The following PPP1R3A variants were observed in gnomAD, a reference collection of about 807,000 sequenced individuals.
PPP1R3A encodes RG1.
In PPP1R3A, 29 loss-of-function variants were observed where a neutral mutation model predicts 41.7. The observed-to-expected ratio is 0.70, with a 90% confidence interval of 0.52 to 0.95. PPP1R3A has a LOEUF of 0.95. Among genes scored for constraint, PPP1R3A ranks in the 40% least tolerant of loss-of-function variants. PPP1R3A has a pLI of 0.00. For synonymous variants in PPP1R3A, 485 were observed against 453.4 expected, an observed-to-expected ratio of 1.07 and a Z score of -0.89; for missense variants, 1,352 against 1,292.4, an observed-to-expected ratio of 1.05 and a Z score of -0.71.
At chr7:113,882,943 A>G (rs919482122) in intron 1 of PPP1R3A, among the ~76,000 whole-genome samples, 1 of 152,050 alleles carries the variant, frequency 6.6e-6, no homozygotes, top group African/African-American at 2.4e-5. Flanking sequence ...GGCCAATTTT[A>G]AAAGCAAGAC....
chr7:113,918,504 C>A lies in PPP1R3A; in HGVS notation c.493G>T (p.Asp165Tyr). Residue 165 changes from aspartate (D) to tyrosine (Y), a missense_variant, in exon 1 of 4, where the codon GAC becomes TAC. Asp to Tyr is a radical substitution (Grantham distance 160). Coordinates refer to ENST00000284601, the MANE Select transcript of PPP1R3A (RefSeq NM_002711.4). ...KLVYVRMSLD[D>Y]WQTHYDILAE... ...AAAATGTCATAATGTGTCTGCCAGT[C>A]ATCTAAAGACATTCTTACATATACT... The A allele has an allele frequency of 1.2e-6, 2 of 1,612,974 alleles. No homozygotes were observed. Among genetic ancestry groups the A allele is most frequent in the South Asian group, 2.2e-5 (2 of 91,040 alleles).
At chr7:113,916,577 C>T (rs923219018) in intron 1 of PPP1R3A, among the ~76,000 whole-genome samples, 1 of 151,962 alleles carries the variant, frequency 6.6e-6, no homozygotes, top group Non-Finnish European at 1.5e-5. Flanking sequence ...CAGAAAAATC[C>T]GCTGAGTTCA....
chr7:113,896,628 A>T (rs1295709609), intron 1 of PPP1R3A, among the ~76,000 whole-genome samples: 2 of 151,818 alleles, frequency 1.3e-5, no homozygotes, highest in Non-Finnish European at 2.9e-5. Flanking sequence ...AACATAGTGG[A>T]ATGGAATACC....
chr7:113,902,071 T>C (rs1797070700), intron 1 of PPP1R3A, among the ~76,000 whole-genome samples: 1 of 151,878 alleles, frequency 6.6e-6, no homozygotes, highest in Admixed American at 6.6e-5. Context: ...CCTTATCTTT[T>C]TCTTGGTCTC....
At position 113,878,771 on chromosome 7, in the gene PPP1R3A, T is replaced by C. The variant is rs1342732763; in HGVS notation, c.2321A>G (p.Asp774Gly). Residue 774 changes from aspartate (D) to glycine (G), a missense_variant, in exon 4 of 4, where the codon GAT becomes GGT. Asp to Gly is a moderately conservative substitution (Grantham distance 94). Transcript: ENST00000284601. ...RPIEVKETAF[D>G]PHEGRNDDSH... Reference sequence around the variant, plus strand: ...ATCATCATTTCTCCCTTCATGTGGATCAAACGCTGTTTCCTTTACCTCGAT... The same window carrying C: ...ATCATCATTTCTCCCTTCATGTGGACCAAACGCTGTTTCCTTTACCTCGAT... 1 of 1,613,598 alleles carries C rather than the reference T, an allele frequency of 6.2e-7. No homozygotes were observed. Among genetic ancestry groups the C allele is most frequent in the South Asian group, 1.1e-5 (1 of 91,086 alleles).
At position 113,882,047 on chromosome 7, in the gene PPP1R3A, C is replaced by T. The variant is rs762418405; in HGVS notation, c.958G>A (p.Glu320Lys). The change falls in exon 3 of 4, where the codon GAG becomes AAG. Residue 320 changes from glutamate to lysine, a missense_variant. By Grantham distance (56) the Glu-to-Lys change is moderately conservative. Coordinates refer to ENST00000284601, the MANE Select transcript of PPP1R3A (RefSeq NM_002711.4). Reference sequence around the variant, plus strand: ...GCAACCAGAACACTTACCATCAACTCTAATTCTTTTTCATTATGTTCATCA... The same window carrying T: ...GCAACCAGAACACTTACCATCAACTTTAATTCTTTTTCATTATGTTCATCA... ...EHDEHNEKEL[E>K]LMINQHLIRT... is the part of the protein sequence containing the mutation. The T allele has an allele frequency of 1.2e-6, 2 of 1,612,448 alleles. No individual in the cohort carries two copies. The highest frequency in any genetic ancestry group is 1.3e-5 in the African/African-American group (1 of 74,926).
intron 3 of PPP1R3A, 97 bp downstream of exon 3, chr7:113,881,942 T>C: frequency 6.9e-7 from 1 of 1,443,654 alleles, no homozygotes; most frequent in Non-Finnish European, 9.7e-7. Context: ...CATTTGCAAA[T>C]TATATTAGTT....
At chr7:113,900,097 TG>T (rs1367377885) in intron 1 of PPP1R3A, among the ~76,000 whole-genome samples, 2 of 151,688 alleles carry the variant, frequency 1.3e-5, no homozygotes, top group African/African-American at 2.4e-5. Flanking sequence ...GCCTAGATGT[TG>T]TTTTAGGTAG....
At chr7:113,884,943 T>C (rs1213489580) in intron 1 of PPP1R3A, among the ~76,000 whole-genome samples, 2 of 152,078 alleles carry the variant, frequency 1.3e-5, no homozygotes, top group East Asian at 1.9e-4. Flanking sequence ...TCAGCATTAT[T>C]AGAGAATAAA....
Position 113,879,295 on chromosome 7 carries a change from C to T in PPP1R3A, c.1797G>A (p.Glu599=), listed in dbSNP as rs538196346. The change falls in exon 4 of 4, where the codon GAG becomes GAA. Residue 599 remains glutamate (E), a synonymous_variant. Coordinates refer to ENST00000284601, the MANE Select transcript of PPP1R3A (RefSeq NM_002711.4). The stretch of plus-strand genomic sequence containing the variant: ...TGCCTTCACTAGTCAAATGATGATG[C>T]TCTGGGGTTAACACAGCTTCTTCCC... ...LSWEEAVLTP[E]HHHLTSEGSA... is the part of the protein sequence containing the mutation. The T allele has an allele frequency of 1.9e-6, 3 of 1,613,648 alleles. No individual in the cohort carries two copies. The highest frequency in any genetic ancestry group is 2.2e-5 in the South Asian group (2 of 91,076).
chr7:113,881,364 T>C (rs958291849), intron 3 of PPP1R3A, among the ~76,000 whole-genome samples: 1 of 151,966 alleles, frequency 6.6e-6, no homozygotes, highest in Non-Finnish European at 1.5e-5. Flanking sequence ...AAGGATAAAT[T>C]GCATTATGTG....
rs1216662506 is a variant in PPP1R3A at position 113,879,159 on chromosome 7, C to A, written c.1933G>T (p.Asp645Tyr). Residue 645 changes from aspartate to tyrosine, a missense_variant, in exon 4 of 4, where the codon GAT (aspartate) becomes TAT (tyrosine). Coordinates refer to ENST00000284601, the MANE Select transcript of PPP1R3A (RefSeq NM_002711.4). ...TTATGCTGTGGGCTATTATCCTGAT[C>A]TTCAGAATTAATCCCACCTGATTTT... ...EEKSGGINSE[D>Y]QDNSPQHKQS... The A allele has an allele frequency of 5.0e-6, 8 of 1,613,558 alleles. No homozygotes were observed. The highest frequency in any genetic ancestry group is 1.3e-5 in the African/African-American group (1 of 74,892).
chr7:113,898,496 A>G (rs1797011804), intron 1 of PPP1R3A, among the ~76,000 whole-genome samples: 2 of 151,742 alleles, frequency 1.3e-5, no homozygotes, highest in South Asian at 4.1e-4. Flanking sequence ...CAACAAAAAC[A>G]ACTAAAAGAT....
intron 1 of PPP1R3A, among the ~76,000 whole-genome samples, chr7:113,883,203 T>C (rs1230293402): frequency 6.6e-6 from 1 of 152,006 alleles, no homozygotes; most frequent in Admixed American, 6.6e-5. Context: ...ATAAGAAATA[T>C]TTGGCGCAGT....
intron 1 of PPP1R3A, among the ~76,000 whole-genome samples, chr7:113,887,924 A>G (rs991129466): frequency 6.6e-6 from 1 of 152,052 alleles, no homozygotes; most frequent in Non-Finnish European, 1.5e-5. Flanking sequence ...CCAGCTACTC[A>G]GGAGGCTGAG....
Position 113,880,117 on chromosome 7 carries a change from T to C in PPP1R3A, c.975A>G (p.Gln325=), listed in dbSNP as rs774769341. 1.9e-6 allele frequency: 3 copies of C among 1,590,818 alleles called. No homozygotes were observed. The highest frequency in any genetic ancestry group is 2.2e-5 in the South Asian group (2 of 90,472). The stretch of plus-strand genomic sequence containing the variant: ...CAGTACTTCTGGTTCTTATTAAGTG[T>C]TGATTTATCTTATGGGATAAAAACA... ...NEKELELMIN[Q]HLIRTRSTAS... is the part of the protein sequence containing the mutation. Residue 325 remains glutamine, a synonymous_variant, in exon 4 of 4, where the codon CAA becomes CAG. Transcript: ENST00000284601.
In PPP1R3A at chr7:113,877,481, C is replaced by T. The variant is rs1796586049; in HGVS notation, c.*242G>A. The T allele has an allele frequency of 2.4e-5, 9 of 380,842 alleles. No homozygotes were observed. The South Asian group carries it at 7.3e-4, about 31-fold the overall frequency. 23.6% of individuals were successfully genotyped at this position (380,842 alleles called of 1,614,324 possible). On this transcript the variant is annotated 3_prime_UTR_variant, in exon 4 of 4. Transcript: ENST00000284601. Reference sequence around the variant, plus strand: ...AGCCTGCTAAGGAGCAACAGCTGTACCTAATTTCAACTTGACGTGCTTCAG... The same window carrying T: ...AGCCTGCTAAGGAGCAACAGCTGTATCTAATTTCAACTTGACGTGCTTCAG...
rs754137421 is a variant in PPP1R3A, at chr7:113,918,592, A to G, written c.405T>C (p.Ser135=). 5 of 1,613,642 alleles carry G rather than the reference A, an allele frequency of 3.1e-6. No individual in the cohort carries two copies. The highest frequency in any genetic ancestry group is 4.5e-5 in the East Asian group (2 of 44,850). The change falls in exon 1 of 4, where the codon TCT becomes TCC. Residue 135 remains serine (S), a synonymous_variant. Transcript: ENST00000284601. ...CCTTGATACTTGTAGACCCAAGAAG[A>G]GACTCAGTTGACTCCAGTATTGCTT... is the stretch of plus-strand genomic sequence containing the variant. ...IQKAILESTE[S]LLGSTSIKGI...
chr7:113,885,988 T>C (rs548913050), intron 1 of PPP1R3A, among the ~76,000 whole-genome samples: 40 of 150,590 alleles, frequency 2.7e-4, no homozygotes, highest in African/African-American at 8.7e-4. Context: ...ATATAGGTAG[T>C]TTTTAGCTTA....
Sources: gnomAD v4.1 joint callset for allele counts (sites outside exome capture counted in the v4.1 genomes callset) on GRCh38, gnomAD v4.1.1 for gene constraint, MANE v1.5 for transcripts, NCBI Gene and HGNC (gene_info 2026-07-23, HGNC 2026-07-21) for gene names.